Variants in SLC7A10 observed in about 807,000 individuals in gnomAD.
The protein encoded by SLC7A10 is asc-type amino acid transporter 1.
Under a neutral mutation model 52.7 loss-of-function variants are expected in SLC7A10, and 30 were observed. That is an observed-to-expected ratio of 0.57 (90% confidence interval 0.43 to 0.77). The LOEUF (loss-of-function observed/expected upper bound fraction) is 0.77. SLC7A10 is among the 30% of genes least tolerant of loss of function. SLC7A10 has a pLI of 0.00. For synonymous variants in SLC7A10, 318 were observed against 314.9 expected (o/e 1.01, Z -0.10); for missense variants, 581 against 698.5 (o/e 0.83, Z 1.90).
At position 33,215,788 on chromosome 19, in the gene SLC7A10, T is replaced by C. The variant is rs906898748; in HGVS notation, c.337A>G (p.Ile113Val). The C allele has an allele frequency of 6.4e-7, 1 of 1,560,756 alleles. No homozygotes were observed. Among genetic ancestry groups the C allele is most frequent in the East Asian group, 2.4e-5 (1 of 41,578 alleles). The part of the protein sequence containing the change: ...SGGDYAYVTE[I>V]FGGLAGFLLL... ...ACTCACCCAGCCAGGCCCCCGAAGA[T>C]CTCTGTGACGTAGGCGTAGTCCCCG... The change falls in exon 2 of 11, where the codon ATC becomes GTC. Residue 113 changes from isoleucine (I) to valine (V), a missense_variant. Ile to Val is a conservative substitution (Grantham distance 29). Coordinates refer to ENST00000253188, the MANE Select transcript of SLC7A10 (RefSeq NM_019849.3).
chr19:33,212,606 C>T lies in SLC7A10; in HGVS notation c.542G>A (p.Arg181His), dbSNP rs773783711. ...CATGTCCTGGATGCGCGTGGCCCAG[C>T]GCACACTGGAGCTGTTCACCCATGT... is the stretch of plus-strand genomic sequence containing the variant. ...LLTWVNSSSV[R>H]WATRIQDMFT... The change falls in exon 4 of 11, where the codon CGC becomes CAC. Residue 181 changes from arginine to histidine, a missense_variant. By Grantham distance (29) the Arg-to-His change is conservative. Transcript: ENST00000253188. The T allele has an allele frequency of 4.5e-5, 73 of 1,613,740 alleles. No homozygotes were observed. In the South Asian group the frequency reaches 6.5e-4, roughly 14 times the overall value.
In SLC7A10 at chr19:33,212,509, C is replaced by A. The variant is rs955082298; in HGVS notation, c.634+5G>T. 1.1e-5 allele frequency: 18 copies of A among 1,613,898 alleles called. No individual in the cohort carries two copies. The highest frequency in any genetic ancestry group is 1.5e-5 in the Non-Finnish European group (18 of 1,180,058). On this transcript the variant is annotated splice_donor_5th_base_variant and intron_variant, in intron 4 of 10. Coordinates refer to ENST00000253188, the MANE Select transcript of SLC7A10 (RefSeq NM_019849.3). ...AGCCCGGCCCTTACCCCGACTCGGC[C>A]CTACCTTGGAAGATCTGGAGAAGGC... is the stretch of plus-strand genomic sequence containing the variant.
Position 33,209,325 on chromosome 19 carries a change from C to T in SLC7A10, c.1424G>A (p.Cys475Tyr). The part of the protein sequence containing the change: ...LGVFWRSKPK[C>Y]VHRLTESMTH... Reference sequence around the variant, plus strand: ...CGGCTCACCTGTGAGTCTGTGCACACACTTTGGTTTGCTTCTCCAGAACAC... The same window carrying T: ...CGGCTCACCTGTGAGTCTGTGCACATACTTTGGTTTGCTTCTCCAGAACAC... The change falls in exon 10 of 11, where the codon TGT (cysteine) becomes TAT (tyrosine). Residue 475 changes from cysteine (C) to tyrosine (Y), a missense_variant. Transcript: ENST00000253188. 1 of 1,614,044 alleles carries T rather than the reference C, an allele frequency of 6.2e-7. No individual in the cohort carries two copies. Among genetic ancestry groups the T allele is most frequent in the Non-Finnish European group, 8.5e-7 (1 of 1,180,022 alleles).
rs767925612 is a variant in SLC7A10 at position 33,209,533 on chromosome 19, T to C, written c.1264-48A>G. 7 of 1,598,600 alleles carry C rather than the reference T, an allele frequency of 4.4e-6. No individual in the cohort carries two copies. The South Asian group carries it at 6.7e-5, about 15-fold the overall frequency. The stretch of plus-strand genomic sequence containing the variant: ...ACCGATGGTGCAGGGCCTCCAGCTG[T>C]CTGTACCCCCGACCCCTGGGGGTCT... On this transcript the variant is annotated intron_variant, in intron 9 of 10. Transcript: ENST00000253188.
Position 33,215,840 on chromosome 19 carries a change from C to T in SLC7A10, c.285G>A (p.Glu95=), listed in dbSNP as rs201694247. Residue 95 remains glutamate, a synonymous_variant, in exon 2 of 11, where the codon GAG becomes GAA. Transcript: ENST00000253188. ...VTALGSLCYA[E]LGVAIPKSGG... ...CAGACTTGGGGATGGCGACTCCCAG[C>T]TCTGCATAGCAGAGGGAGCCCAGAG... 83 of 1,595,594 alleles carry T rather than the reference C, an allele frequency of 5.2e-5. 1 individual carries two copies. The African/African-American group carries it at 9.1e-4, about 18-fold the overall frequency.
intron 3 of SLC7A10, 40 bp downstream of exon 3, chr19:33,212,811 G>T: frequency 6.2e-7 from 1 of 1,610,060 alleles, no homozygotes. Context: ...GCCCGGGCAG[G>T]TGGCTGATCT....
At chr19:33,213,111 G>A in intron 2 of SLC7A10, 109 bp from the exon 3 acceptor site, 1 of 1,472,592 alleles carries the variant, frequency 6.8e-7, no homozygotes, top group Admixed American at 2.0e-5. Context: ...CCGGGGGCTG[G>A]CGAGGCTGCC....
At chr19:33,214,309 CTT>C (rs999358527) in intron 2 of SLC7A10, among the ~76,000 whole-genome samples, 16 of 152,218 alleles carry the variant, frequency 1.1e-4, no homozygotes, top group African/African-American at 3.9e-4. Context: ...CAGAACCAAA[CTT>C]TGTAAATTTC....
At chr19:33,214,914 G>A (rs1015889032) in intron 2 of SLC7A10, among the ~76,000 whole-genome samples, 16 of 152,244 alleles carry the variant, frequency 1.1e-4, no homozygotes, top group African/African-American at 3.9e-4. Flanking sequence ...CCAGGCTCAC[G>A]GTAGGTGCTC....
At position 33,209,035 on chromosome 19, in the gene SLC7A10, G is replaced by C. The variant is rs367748710; in HGVS notation, c.1442-14C>G. ...GTGTCATGGACTCTGAGGACAGACA[G>C]ATGGACCTTGGGGCCTGACCTCTCG... is the stretch of plus-strand genomic sequence containing the variant. On this transcript the variant is annotated splice_polypyrimidine_tract_variant and intron_variant, in intron 10 of 10. Coordinates refer to ENST00000253188, the MANE Select transcript of SLC7A10 (RefSeq NM_019849.3). The C allele has an allele frequency of 2.4e-5, 38 of 1,613,256 alleles. No homozygotes were observed. Among genetic ancestry groups the C allele is most frequent in the Non-Finnish European group, 3.1e-5 (36 of 1,179,978 alleles).
rs1189241792 is a variant in SLC7A10 at position 33,225,741 on chromosome 19, C to T, written c.-38G>A. On this transcript the variant is annotated 5_prime_UTR_variant, in exon 1 of 11. Coordinates refer to ENST00000253188, the MANE Select transcript of SLC7A10 (RefSeq NM_019849.3). ...CCGCGTCCCCGCTCCCTGCGCTGCCCCGTCTGTCCGGCCGGCCGCCCGTCG... is the reference window on the plus strand; with the variant it reads ...CCGCGTCCCCGCTCCCTGCGCTGCCTCGTCTGTCCGGCCGGCCGCCCGTCG... 1.7e-5 allele frequency: 25 copies of T among 1,466,694 alleles called. No homozygotes were observed. In the Middle Eastern group the frequency reaches 9.6e-4, roughly 56 times the overall value. The allele number at this position is 1,466,694 out of a possible 1,614,324, so 90.9% of individuals were successfully genotyped here.
At chr19:33,221,572 G>A (rs112343857) in intron 1 of SLC7A10, among the ~76,000 whole-genome samples, 2 of 152,142 alleles carry the variant, frequency 1.3e-5, no homozygotes, top group Non-Finnish European at 2.9e-5. Context: ...CTGCACAGTT[G>A]TATGGCTCCT....
rs73575760 is a variant in SLC7A10 at position 33,223,290 on chromosome 19, A to G, written c.151+2263T>C. ...GCCACTGCACTCCAGCCTAGGGGACACAGCCAGACTCTGTCTCAGAAAAAA... is the reference window on the plus strand; with the variant it reads ...GCCACTGCACTCCAGCCTAGGGGACGCAGCCAGACTCTGTCTCAGAAAAAA... On this transcript the variant is annotated intron_variant, in intron 1 of 10. Transcript: ENST00000253188. Among the ~76,000 whole-genome samples the G allele has an allele frequency of 5.5e-3, 803 of 145,248 alleles. 11 individuals carry two copies. Among genetic ancestry groups the G allele is most frequent in the African/African-American group, 0.02 (768 of 38,424 alleles).
rs574555801 is a variant in SLC7A10, at chr19:33,210,994, C to G, written c.1017-96G>C. 8.1e-7 allele frequency: 1 copy of G among 1,236,692 alleles called. No individual in the cohort carries two copies. Among genetic ancestry groups the G allele is most frequent in the Admixed American group, 1.8e-5 (1 of 54,478 alleles). The allele number at this position is 1,236,692 out of a possible 1,614,324, so 76.6% of individuals were successfully genotyped here. The stretch of plus-strand genomic sequence containing the variant: ...AGCTGTCGCCTCTGACCTCCTGCTC[C>G]GGGCCCAGCAGCCCCACTGGACAGT... On this transcript the variant is annotated intron_variant, in intron 7 of 10. Transcript: ENST00000253188. This position sits in a 1 kb window ranked among gnomAD's most constrained non-coding sequence, Gnocchi z 5.6.
chr19:33,219,115 G>C (rs965555552), intron 1 of SLC7A10, among the ~76,000 whole-genome samples: 1 of 152,058 alleles, frequency 6.6e-6, no homozygotes, highest in South Asian at 2.1e-4. Flanking sequence ...CTGTCCACCC[G>C]GTGGGATGAC....
chr19:33,213,089 TGGGCCTGGCGCCCG>T (rs1974593931), intron 2 of SLC7A10, 87 bp from the exon 3 acceptor site: 1 of 1,526,672 alleles, frequency 6.6e-7, no homozygotes, highest in African/African-American at 1.4e-5. Context: ...AGGGCTGCCC[TGGGCCTGGCGCCCG>T]GGGGCTGGCG....
chr19:33,224,606 C>T (rs1266788706), intron 1 of SLC7A10, among the ~76,000 whole-genome samples: 4 of 152,126 alleles, frequency 2.6e-5, no homozygotes, highest in Admixed American at 6.5e-5. Context: ...GACTGGCTGG[C>T]GGTAAGGTGA....
intron 1 of SLC7A10, among the ~76,000 whole-genome samples, chr19:33,222,628 G>A (rs1300798976): frequency 1.3e-5 from 2 of 152,110 alleles, no homozygotes; most frequent in Admixed American, 6.5e-5. Flanking sequence ...TACCTTGCAA[G>A]GTGGGCATGA....
intron 1 of SLC7A10, among the ~76,000 whole-genome samples, chr19:33,216,661 G>T (rs573279528): frequency 6.8e-6 from 1 of 147,280 alleles, no homozygotes; most frequent in African/African-American, 2.5e-5. Flanking sequence ...CCTTCCCTCC[G>T]CTTCCTGGAT....
Sources: allele counts gnomAD v4.1 joint callset (sites outside exome capture counted in the v4.1 genomes callset), GRCh38; gene constraint gnomAD v4.1.1; non-coding constraint Gnocchi (gnomAD v3.1); transcripts MANE v1.5; gene names NCBI Gene and HGNC (gene_info 2026-07-23, HGNC 2026-07-21).